The following RPS6KA2 variants were observed in gnomAD, a reference collection of about 807,000 sequenced individuals.
RPS6KA2 encodes ribosomal protein S6 kinase A2.
RPS6KA2 carries 42 observed loss-of-function variants against 91.8 expected under a neutral mutation model. The ratio of observed to expected loss-of-function variants is 0.46; its 90% CI spans 0.36 to 0.59. The LOEUF (loss-of-function observed/expected upper bound fraction) is 0.59, where lower values mean the gene tolerates loss of function less well. RPS6KA2 is among the 20% of genes least tolerant of loss of function. The pLI, the probability that RPS6KA2 is intolerant of heterozygous loss-of-function variation, is 0.00. For missense variants in RPS6KA2, 798 were observed against 978.5 expected, an observed-to-expected ratio of 0.82 and a Z score of 2.46; for synonymous variants, 414 against 393.6, an observed-to-expected ratio of 1.05 and a Z score of -0.61.
At chr6:166,455,488 G>A (rs1249041189) in intron 12 of RPS6KA2, among the ~76,000 whole-genome samples, 2 of 152,170 alleles carry the variant, frequency 1.3e-5, no homozygotes, top group African/African-American at 2.4e-5. Flanking sequence ...GGCCAAAAAA[G>A]GGGCCTTCAC....
intron 3 of RPS6KA2, among the ~76,000 whole-genome samples, chr6:166,530,801 T>G (rs1234297022): frequency 6.6e-6 from 1 of 152,214 alleles, no homozygotes; most frequent in East Asian, 1.9e-4. Flanking sequence ...AAATCGGTAT[T>G]TCTAATGCCC....
chr6:166,821,511 T>C lies in RPS6KA2; in HGVS notation c.123+36689A>G, dbSNP rs370637971. Reference sequence around the variant, plus strand: ...TAAACGCTGCAGTCAGTCTCCATCCTTAGCCTGGCACGGGTCTGCCCTGTC... The same window carrying C: ...TAAACGCTGCAGTCAGTCTCCATCCCTAGCCTGGCACGGGTCTGCCCTGTC... On this transcript the variant is annotated intron_variant, in intron 2 of 21. Coordinates refer to the RPS6KA2 transcript ENST00000503859. The surrounding 1 kb of genome is among the most constrained non-coding windows in gnomAD (Gnocchi z 4.1). 1.9e-3 allele frequency among the ~76,000 whole-genome samples: 295 copies of C among 152,272 alleles called. No individual in the cohort carries two copies. The highest frequency in any genetic ancestry group is 7.0e-3 in the African/African-American group (290 of 41,548).
intron 19 of RPS6KA2, among the ~76,000 whole-genome samples, chr6:166,416,204 T>TTCC (rs200881179): frequency 6.9e-4 from 13 of 18,776 alleles, no homozygotes; most frequent in East Asian, 1.5e-3. Flanking sequence ...CCATCAACCC[T>TTCC]ACCATCACCC....
chr6:166,725,198 T>G (rs1440669074), intron 2 of RPS6KA2, among the ~76,000 whole-genome samples: 1 of 152,256 alleles, frequency 6.6e-6, no homozygotes, highest in African/African-American at 2.4e-5. Flanking sequence ...TCTTTTATTT[T>G]TTTTAAAGAA....
intron 2 of RPS6KA2, among the ~76,000 whole-genome samples, chr6:166,818,688 G>A (rs1476645065): frequency 3.3e-5 from 5 of 152,106 alleles, no homozygotes; most frequent in East Asian, 1.9e-4. Context: ...TAATTCCGTC[G>A]TGCCTTTGTC....
rs1266287956 is a variant in RPS6KA2 at position 166,737,550 on chromosome 6, T to C, written c.123+120650A>G. 6.6e-6 allele frequency among the ~76,000 whole-genome samples: 1 copy of C among 152,210 alleles called. No individual in the cohort carries two copies. The highest frequency in any genetic ancestry group is 2.4e-5 in the African/African-American group (1 of 41,448). Reference sequence around the variant, plus strand: ...TTAAAGAGAATTCTAAACGTCTCCTTTGCAAATTGTTCAATTAAAAACAGA... The same window carrying C: ...TTAAAGAGAATTCTAAACGTCTCCTCTGCAAATTGTTCAATTAAAAACAGA... On this transcript the variant is annotated intron_variant, in intron 2 of 21. Coordinates refer to the RPS6KA2 transcript ENST00000503859. This position sits in a 1 kb window ranked among gnomAD's most constrained non-coding sequence, Gnocchi z 4.3.
At chr6:166,690,090 G>A (rs896023499) in intron 2 of RPS6KA2, among the ~76,000 whole-genome samples, 3 of 152,220 alleles carry the variant, frequency 2.0e-5, no homozygotes, top group African/African-American at 7.2e-5. Flanking sequence ...GAGGTGGCCT[G>A]TCAGGGGAAG....
intron 2 of RPS6KA2, among the ~76,000 whole-genome samples, chr6:166,691,298 C>T (rs894342159): frequency 6.6e-6 from 1 of 152,154 alleles, no homozygotes; most frequent in Non-Finnish European, 1.5e-5. Context: ...GTTAGGCCCT[C>T]CTCATCTTAT....
intron 1 of RPS6KA2, among the ~76,000 whole-genome samples, chr6:166,604,044 A>G (rs1785847985): frequency 6.6e-6 from 1 of 152,194 alleles, no homozygotes; most frequent in Non-Finnish European, 1.5e-5. Context: ...AAGAAGTAAA[A>G]ATAAAATTAA....
intron 2 of RPS6KA2, among the ~76,000 whole-genome samples, chr6:166,647,321 G>A (rs1042905797): frequency 6.6e-6 from 1 of 151,994 alleles, no homozygotes; most frequent in Non-Finnish European, 1.5e-5. Flanking sequence ...GTCACCACAC[G>A]CCCGCCTCGT....
chr6:166,452,928 A>T (rs1432957478), intron 12 of RPS6KA2, among the ~76,000 whole-genome samples: 1 of 152,170 alleles, frequency 6.6e-6, no homozygotes, highest in Non-Finnish European at 1.5e-5. Context: ...GGCTGGGTGC[A>T]GTGGCTCACA....
upstream of RPS6KA2, among the ~76,000 whole-genome samples, chr6:166,630,487 C>T (rs1300871047): frequency 1.3e-5 from 2 of 152,188 alleles, no homozygotes; most frequent in African/African-American, 2.4e-5. Flanking sequence ...AAAGTTTTGC[C>T]ATGGGAGGTG....
Position 166,412,942 on chromosome 6 carries a change from C to A in RPS6KA2, c.2077-55G>T. 1 of 1,491,506 alleles carries A rather than the reference C, an allele frequency of 6.7e-7. No individual in the cohort carries two copies. Among genetic ancestry groups the A allele is most frequent in the Non-Finnish European group, 9.0e-7 (1 of 1,115,234 alleles). The allele number at this position is 1,491,506 out of a possible 1,614,324, so 92.4% of individuals were successfully genotyped here. The stretch of plus-strand genomic sequence containing the variant: ...GCGGCGCCTCACTCCAGGGGTTGAG[C>A]CGGAGCCCGGGGCCTCCATGGGCCT... On this transcript the variant is annotated intron_variant, in intron 20 of 20. Transcript: ENST00000265678. The surrounding 1 kb of genome is among the most constrained non-coding windows in gnomAD (Gnocchi z 4.3).
chr6:166,456,184 G>T (rs978801487), intron 12 of RPS6KA2, among the ~76,000 whole-genome samples: 3 of 152,196 alleles, frequency 2.0e-5, no homozygotes, highest in Non-Finnish European at 4.4e-5. Context: ...CACAGACCAA[G>T]GAGAGCCTGC....
intron 2 of RPS6KA2, among the ~76,000 whole-genome samples, chr6:166,807,916 G>T (rs1029831415): frequency 6.6e-6 from 1 of 152,108 alleles, no homozygotes; most frequent in Admixed American, 6.5e-5. Flanking sequence ...TCCTTCTAAG[G>T]TTCCATATAA....
intron 1 of RPS6KA2, among the ~76,000 whole-genome samples, chr6:166,561,679 G>A (rs1427631996): frequency 6.6e-6 from 1 of 152,066 alleles, no homozygotes; most frequent in Non-Finnish European, 1.5e-5. Context: ...CAGTTGACAT[G>A]TACCCTGCCC....
chr6:166,642,834 C>T lies in RPS6KA2; in HGVS notation c.124-104050G>A, dbSNP rs768955437. ...CTGCACCTTCTTGCTGAGTATGTGA[C>T]GAATGTCAGGCACTGACCACTGTTA... On this transcript the variant is annotated intron_variant, in intron 2 of 21. Coordinates refer to the RPS6KA2 transcript ENST00000503859. 2.6e-5 allele frequency among the ~76,000 whole-genome samples: 4 copies of T among 152,220 alleles called. No individual in the cohort carries two copies. The South Asian group carries it at 8.3e-4, about 31-fold the overall frequency.
At chr6:166,817,635 C>T (rs1356405527) in intron 2 of RPS6KA2, among the ~76,000 whole-genome samples, 1 of 152,176 alleles carries the variant, frequency 6.6e-6, no homozygotes, top group East Asian at 1.9e-4. Context: ...ACTCTGGTTC[C>T]CCAGTTGTTA....
chr6:166,809,892 A>G (rs1416580228), intron 2 of RPS6KA2, among the ~76,000 whole-genome samples: 1 of 152,244 alleles, frequency 6.6e-6, no homozygotes, highest in African/African-American at 2.4e-5. Flanking sequence ...ACTCGTGGCC[A>G]TGTGATGCTG....
Sources: allele counts gnomAD v4.1 joint callset (sites outside exome capture counted in the v4.1 genomes callset), GRCh38; gene constraint gnomAD v4.1.1; non-coding constraint Gnocchi (gnomAD v3.1); transcripts MANE v1.5; gene names NCBI Gene and HGNC (gene_info 2026-07-23, HGNC 2026-07-21).